Variants in OSBPL10 observed in about 807,000 individuals in gnomAD.
OSBPL10 encodes oxysterol-binding protein-related protein 10.
A neutral mutation model predicts 81.7 loss-of-function variants in OSBPL10; 49 were observed. The ratio of observed to expected loss-of-function variants is 0.60; its 90% confidence interval spans 0.48 to 0.76. The LOEUF is 0.76. Ranked by LOEUF, OSBPL10 falls within the 30% of genes least tolerant of loss-of-function variation. The probability of loss-of-function intolerance (pLI) is 0.00; values close to 1 mark genes in which losing one functional copy is unlikely to be tolerated. For synonymous variants in OSBPL10, 419 were observed against 383.6 expected (o/e 1.09, Z -1.08); for missense variants, 923 against 987.8 (o/e 0.93, Z 0.88).
At chr3:31,839,563 G>C (rs1700443017) in intron 3 of OSBPL10, among the ~76,000 whole-genome samples, 2 of 152,070 alleles carry the variant, frequency 1.3e-5, no homozygotes, top group South Asian at 2.1e-4. Flanking sequence ...TAGGTGGCCA[G>C]AGAACGCTTC....
upstream of OSBPL10, among the ~76,000 whole-genome samples, chr3:31,984,788 T>C (rs1698910609): frequency 6.6e-6 from 1 of 152,226 alleles, no homozygotes; most frequent in Non-Finnish European, 1.5e-5. Flanking sequence ...ATCCTTGCTT[T>C]AGGGTTAGAC....
chr3:31,884,878 T>C (rs1196020509), intron 1 of OSBPL10, among the ~76,000 whole-genome samples: 1 of 152,144 alleles, frequency 6.6e-6, no homozygotes, highest in African/African-American at 2.4e-5. Context: ...GAACATACTT[T>C]CTTTGCTATG....
intron 8 of OSBPL10, among the ~76,000 whole-genome samples, chr3:31,672,953 A>T (rs2125519258): frequency 6.6e-6 from 1 of 152,276 alleles, no homozygotes; most frequent in Middle Eastern, 3.4e-3. Flanking sequence ...GCAAATCCAC[A>T]AACAGCATAA....
chr3:31,731,839 C>T (rs1696980691), intron 6 of OSBPL10, among the ~76,000 whole-genome samples: 1 of 152,186 alleles, frequency 6.6e-6, no homozygotes, highest in Non-Finnish European at 1.5e-5. Context: ...TTTGCCAATG[C>T]TACTGACTGG....
chr3:31,711,241 A>C (rs1696242481), intron 6 of OSBPL10, among the ~76,000 whole-genome samples: 1 of 152,244 alleles, frequency 6.6e-6, no homozygotes, highest in Non-Finnish European at 1.5e-5. Context: ...TGGACCAGAA[A>C]TGTCAGCCCT....
At chr3:31,761,827 A>AAAAAAAAAAAAAAAAAAC (rs996116489) in intron 4 of OSBPL10, among the ~76,000 whole-genome samples, 2 of 149,434 alleles carry the variant, frequency 1.3e-5, no homozygotes, top group African/African-American at 5.1e-5. Context: ...AAAAAAAAAA[A>AAAAAAAAAAAAAAAAAAC]AAAACCCTAA....
chr3:31,856,377 A>C (rs1700913547), intron 3 of OSBPL10, among the ~76,000 whole-genome samples: 1 of 152,198 alleles, frequency 6.6e-6, no homozygotes, highest in South Asian at 2.1e-4. Flanking sequence ...AAGTACCCAA[A>C]AAGTAATTAT....
At chr3:31,754,745 A>T (rs576296539) in intron 4 of OSBPL10, among the ~76,000 whole-genome samples, 60 of 152,326 alleles carry the variant, frequency 3.9e-4, no homozygotes, top group African/African-American at 1.4e-3. Context: ...AGCCAGAGGC[A>T]ATGAATAAAC....
chr3:31,974,178 C>T (rs764348930), intron 1 of OSBPL10, among the ~76,000 whole-genome samples: 2 of 152,224 alleles, frequency 1.3e-5, no homozygotes, highest in Non-Finnish European at 2.9e-5. Context: ...CCGATTAATA[C>T]GTGAAAACAT....
chr3:31,856,726 A>G (rs1700920315), intron 3 of OSBPL10, among the ~76,000 whole-genome samples: 1 of 152,214 alleles, frequency 6.6e-6, no homozygotes, highest in African/African-American at 2.4e-5. Context: ...AGGCTAGTGT[A>G]TTGTTCAGTA....
intron 4 of OSBPL10, among the ~76,000 whole-genome samples, chr3:31,804,963 G>A (rs1278020586): frequency 6.6e-6 from 1 of 152,140 alleles, no homozygotes; most frequent in Non-Finnish European, 1.5e-5. Context: ...AAGGGAGCAT[G>A]TTTTATATTC....
intron 4 of OSBPL10, among the ~76,000 whole-genome samples, chr3:31,780,142 G>A (rs1436911416): frequency 6.6e-6 from 1 of 151,876 alleles, no homozygotes; most frequent in Admixed American, 6.6e-5. Flanking sequence ...AATACAAAAA[G>A]ATTAGCCGGG....
At chr3:31,937,948 C>A (rs774687038) in intron 1 of OSBPL10, among the ~76,000 whole-genome samples, 3 of 152,182 alleles carry the variant, frequency 2.0e-5, no homozygotes, top group African/African-American at 4.8e-5. Flanking sequence ...AAGCACACTG[C>A]CCAATTAGTT....
chr3:32,008,954 C>G (rs1484516221), intron 2 of OSBPL10, among the ~76,000 whole-genome samples: 1 of 152,064 alleles, frequency 6.6e-6, no homozygotes, highest in African/African-American at 2.4e-5. Context: ...TAAAATGTGT[C>G]TGAATAGACA....
chr3:31,667,736 G>A (rs1440912632), intron 10 of OSBPL10, among the ~76,000 whole-genome samples: 1 of 152,244 alleles, frequency 6.6e-6, no homozygotes, highest in Non-Finnish European at 1.5e-5. Flanking sequence ...ATTGTAGCAG[G>A]AAGGCAGCCA....
intron 3 of OSBPL10, among the ~76,000 whole-genome samples, chr3:31,837,839 A>AG (rs1367597509): frequency 6.6e-6 from 1 of 151,722 alleles, no homozygotes; most frequent in Non-Finnish European, 1.5e-5. Context: ...ACCTTTATAG[A>AG]GGAAAAAAAA....
At chr3:31,684,234 T>C (rs1700734863) in intron 7 of OSBPL10, 120 bp from the exon 8 acceptor site, 1 of 1,368,932 alleles carries the variant, frequency 7.3e-7, no homozygotes, top group Non-Finnish European at 9.9e-7. Context: ...CAGGGAGCAG[T>C]CTGTTTTGAC....
rs535925375 is a variant in OSBPL10 at position 31,683,434 on chromosome 3, G to A, written c.1726+200C>T. On this transcript the variant is annotated intron_variant, in intron 8 of 11. Transcript: ENST00000396556. The stretch of plus-strand genomic sequence containing the variant: ...TGGGCGGCTGTCAGGCAGATAGTCC[G>A]TTACCTTGGCCCCGCTGGGAAATTA... Among the ~76,000 whole-genome samples the A allele has an allele frequency of 7.9e-5, 12 of 152,280 alleles. No individual in the cohort carries two copies. In the East Asian group the frequency reaches 1.9e-3, roughly 24 times the overall value.
In OSBPL10 at chr3:32,027,266, G is replaced by A. The variant is rs1238585493; in HGVS notation, n.298+19225C>T. Among the ~76,000 whole-genome samples, 4 of 152,220 alleles carry A rather than the reference G, an allele frequency of 2.6e-5. No individual in the cohort carries two copies. The South Asian group carries it at 8.3e-4, about 32-fold the overall frequency. On this transcript the variant is annotated intron_variant and non_coding_transcript_variant, in intron 2 of 3. Transcript: ENST00000479173. ...CACTGTTCAACTCCCACTTATGAGT[G>A]AGAACATGCGATGTTTGGTTTATTA...
Sources: gnomAD v4.1 joint callset for allele counts (sites outside exome capture counted in the v4.1 genomes callset) on GRCh38, gnomAD v4.1.1 for gene constraint, MANE v1.5 for transcripts, NCBI Gene and HGNC (gene_info 2026-07-23, HGNC 2026-07-21) for gene names.